The following BDNF variants were observed in gnomAD, a reference collection of about 807,000 sequenced individuals.
The protein encoded by BDNF is neurotrophic factor BDNF precursor form.
BDNF carries 1 observed loss-of-function variant against 19.5 expected under a neutral mutation model. The ratio of observed to expected loss-of-function variants is 0.05; its 90% CI spans 0.02 to 0.24. BDNF has a LOEUF of 0.24. BDNF is among the 10% of genes least tolerant of loss of function. The pLI is 1.00. For synonymous variants in BDNF, 100 were observed against 121.6 expected (o/e 0.82, Z 1.17); for missense variants, 195 against 317.6 (o/e 0.61, Z 2.93).
intron 1 of BDNF, chr11:27,660,097 G>T: frequency 1.3e-6 from 1 of 741,494 alleles, no homozygotes; most frequent in Non-Finnish European, 1.8e-6. Flanking sequence ...ATCCAAATAA[G>T]TAGGAAAAGG....
At chr11:27,701,154 T>C (rs1859876420), upstream of BDNF, 8 of 1,226,954 alleles carry the variant, frequency 6.5e-6, no homozygotes, top group Admixed American at 2.3e-5. Context: ...GCATTTTTTA[T>C]TGATGAACGC....
rs1229779457 is a variant in BDNF, at chr11:27,659,646, TGTGC to T, written c.-21-1065_-21-1062del. 9.3e-5 allele frequency: 93 copies of T among 996,112 alleles called. No homozygotes were observed. In the African/African-American group the frequency reaches 1.4e-3, roughly 15 times the overall value. 61.7% of individuals were successfully genotyped at this position (996,112 alleles called of 1,614,324 possible). A position where few individuals can be genotyped will look rare whatever the true frequency, so the allele number is the denominator to read the frequency against. ...TGTTCTCTCTGTGTGTGTGTGTGTG[TGTGC>T]GCGCGCGCGTGTGCGCGCGCTCTGA... On this transcript the variant is annotated intron_variant, in intron 1 of 1. Coordinates refer to ENST00000356660, the MANE Select transcript of BDNF (RefSeq NM_001709.5).
chr11:27,704,919 G>T (rs1300061496), upstream of BDNF, among the ~76,000 whole-genome samples: 3 of 152,170 alleles, frequency 2.0e-5, no homozygotes, highest in Non-Finnish European at 2.9e-5. Flanking sequence ...ATGTAACCAG[G>T]CATAGCCATT....
At chr11:27,699,257 C>T in intron 1 of BDNF, 1 of 1,323,706 alleles carries the variant, frequency 7.6e-7, no homozygotes, top group Non-Finnish European at 1.1e-6. Context: ...TCCTCCAGTT[C>T]ACCCTCGCAG....
intron 1 of BDNF, among the ~76,000 whole-genome samples, chr11:27,694,729 T>C (rs988784173): frequency 6.6e-6 from 1 of 150,608 alleles, no homozygotes; most frequent in Non-Finnish European, 1.5e-5. Context: ...TATTTGACTT[T>C]ATTTTATTCT....
rs776620062 is a variant in BDNF, at chr11:27,657,845, T to C, written c.720A>G (p.Thr240=). The change falls in exon 2 of 2, where the codon ACA becomes ACG. Residue 240 remains threonine, a synonymous_variant. Transcript: ENST00000356660. The surrounding 1 kb of genome is among the most constrained non-coding windows in gnomAD (Gnocchi z 5.0). ...ACTATCTTCCCCTTTTAATGGTCAA[T>C]GTACATACACAAGAAGTGTCTATCC... ...FIRIDTSCVC[T]LTIKRGR 3 of 1,614,194 alleles carry C rather than the reference T, an allele frequency of 1.9e-6. No individual in the cohort carries two copies. The highest frequency in any genetic ancestry group is 1.3e-5 in the African/African-American group (1 of 75,064).
intron 1 of BDNF, among the ~76,000 whole-genome samples, chr11:27,670,306 C>G (rs1379096618): frequency 6.6e-6 from 1 of 152,140 alleles, no homozygotes; most frequent in Admixed American, 6.6e-5. Context: ...CATAAAAACC[C>G]TAGAAGAAAA....
rs2133765973 is a variant in BDNF, at chr11:27,655,786, T to C, written c.*2035A>G. 1.3e-5 allele frequency: 2 copies of C among 152,306 alleles called. No individual in the cohort carries two copies. The highest frequency in any genetic ancestry group is 3.9e-4 in the East Asian group (2 of 5,182). 9.4% of individuals were successfully genotyped at this position (152,306 alleles called of 1,614,324 possible). On this transcript the variant is annotated 3_prime_UTR_variant, in exon 2 of 2. Transcript: ENST00000356660. ...TACTTAAGGATGCTGGTCCAAGTGGTGATCACTAACATTTTCAGGTGTGAA... is the reference window on the plus strand; with the variant it reads ...TACTTAAGGATGCTGGTCCAAGTGGCGATCACTAACATTTTCAGGTGTGAA...
rs113565135 is a variant in BDNF at position 27,697,537 on chromosome 11, C to A, written c.-22+2627G>T. ...AATACCCCAGGACCTCCCTTCCCTC[C>A]TTGGCCATTAATGAGATGAAGGCAA... On this transcript the variant is annotated intron_variant, in intron 1 of 1. Coordinates refer to ENST00000356660, the MANE Select transcript of BDNF (RefSeq NM_001709.5). 6.4e-4 allele frequency: 98 copies of A among 152,274 alleles called. 5 individuals are homozygous for A. Among genetic ancestry groups the A allele is most frequent in the African/African-American group, 2.4e-3 (98 of 41,552 alleles). 9.4% of individuals were successfully genotyped at this position (152,274 alleles called of 1,614,324 possible).
At chr11:27,695,920 C>T (rs1858934229) in intron 1 of BDNF, among the ~76,000 whole-genome samples, 1 of 152,022 alleles carries the variant, frequency 6.6e-6, no homozygotes, top group South Asian at 2.1e-4. Flanking sequence ...AAAGCTTCCA[C>T]ACTTATCTGA....
rs952616399 is a variant in BDNF at position 27,721,073 on chromosome 11, T to C, written c.3+339A>G. 2.6e-5 allele frequency among the ~76,000 whole-genome samples: 4 copies of C among 151,106 alleles called. No individual in the cohort carries two copies. In the South Asian group the frequency reaches 8.4e-4, roughly 32 times the overall value. ...AATTAACCCCCTTGCAAATGTCAAT[T>C]ACATGCCCACATATAAATCATAGAA... On this transcript the variant is annotated intron_variant, in intron 1 of 1. Transcript: ENST00000314915.
At chr11:27,699,026 A>G (rs966602638) in intron 1 of BDNF, among the ~76,000 whole-genome samples, 1 of 152,024 alleles carries the variant, frequency 6.6e-6, no homozygotes, top group Non-Finnish European at 1.5e-5. Flanking sequence ...GCACCATTCA[A>G]CAAGTCCCTC....
intron 1 of BDNF, among the ~76,000 whole-genome samples, chr11:27,666,899 A>G (rs1312549313): frequency 6.6e-6 from 1 of 152,184 alleles, no homozygotes; most frequent in African/African-American, 2.4e-5. Context: ...CCAGCATTCA[A>G]ATTCAGGAAA....
chr11:27,695,487 A>G (rs1858873644), intron 1 of BDNF, among the ~76,000 whole-genome samples: 1 of 152,180 alleles, frequency 6.6e-6, no homozygotes, highest in Non-Finnish European at 1.5e-5. Context: ...GAGGGTCGTC[A>G]TAAAGTTTCC....
At chr11:27,691,580 C>G (rs918622259) in intron 1 of BDNF, among the ~76,000 whole-genome samples, 1 of 152,162 alleles carries the variant, frequency 6.6e-6, no homozygotes, top group Non-Finnish European at 1.5e-5. Flanking sequence ...GCTTTGCTGA[C>G]TGACACTATT....
At chr11:27,660,713 T>C (rs1853322964) in intron 1 of BDNF, among the ~76,000 whole-genome samples, 1 of 151,896 alleles carries the variant, frequency 6.6e-6, no homozygotes, top group African/African-American at 2.4e-5. Flanking sequence ...ACTCGACATT[T>C]TATATATCAC....
At chr11:27,680,613 C>CTACTAT (rs1856729924) in intron 1 of BDNF, among the ~76,000 whole-genome samples, 1 of 152,124 alleles carries the variant, frequency 6.6e-6, no homozygotes, top group African/African-American at 2.4e-5. Flanking sequence ...ACAGAGCCAC[C>CTACTAT]TACTATGTAT....
intron 1 of BDNF, among the ~76,000 whole-genome samples, chr11:27,680,991 GA>G (rs757566856): frequency 2.3e-4 from 35 of 152,296 alleles, no homozygotes; most frequent in South Asian, 8.3e-4. Context: ...GAAGATGAAA[GA>G]TTAAGGATTT....
upstream of BDNF, chr11:27,701,677 CAT>C (rs1859905574): frequency 1.1e-6 from 1 of 929,346 alleles, no homozygotes; most frequent in Non-Finnish European, 1.3e-6. Flanking sequence ...CGTGCGCTGT[CAT>C]ATGATACCTC....
Sources: gnomAD v4.1 joint callset for allele counts (sites outside exome capture counted in the v4.1 genomes callset) on GRCh38, gnomAD v4.1.1 for gene constraint, Gnocchi (gnomAD v3.1) non-coding constraint, MANE v1.5 for transcripts, NCBI Gene and HGNC (gene_info 2026-07-23, HGNC 2026-07-21) for gene names.